Variants in TLE7 observed in about 807,000 individuals in gnomAD.
TLE7 encodes the protein transducin-like enhancer protein 7.
chr16:71,439,813 C>A (rs1327798272), intron 1 of TLE7, among the ~76,000 whole-genome samples: 1 of 152,198 alleles, frequency 6.6e-6, no homozygotes, highest in Non-Finnish European at 1.5e-5. Flanking sequence ...AACAGTTTGG[C>A]AACTCCTCAG....
chr16:71,437,386 G>GGA (rs148458762), intron 1 of TLE7, among the ~76,000 whole-genome samples: 117 of 148,770 alleles, frequency 7.9e-4, no homozygotes, highest in Non-Finnish European at 1.3e-3. Context: ...AAGGGAGGGA[G>GGA]GAGAGAGAGA....
intron 1 of TLE7, among the ~76,000 whole-genome samples, chr16:71,436,674 G>C (rs977714833): frequency 1.3e-5 from 2 of 152,244 alleles, no homozygotes; most frequent in Non-Finnish European, 2.9e-5. Context: ...TCCTTTGCTT[G>C]AGAAGGCTGA....
chr16:71,435,697 A>G (rs1301525720), intron 1 of TLE7, among the ~76,000 whole-genome samples: 1 of 152,252 alleles, frequency 6.6e-6, no homozygotes, highest in Non-Finnish European at 1.5e-5. Flanking sequence ...ATTTCTGGAC[A>G]TTCAAACCTA....
intron 1 of TLE7, among the ~76,000 whole-genome samples, chr16:71,437,428 CAA>C (rs1239083780): frequency 2.1e-5 from 3 of 140,750 alleles, no homozygotes; most frequent in African/African-American, 8.0e-5. Flanking sequence ...AAGGAAGAAA[CAA>C]AGAGGAAGGA....
chr16:71,433,975 C>G (rs892653376), intron 1 of TLE7, among the ~76,000 whole-genome samples: 1 of 152,150 alleles, frequency 6.6e-6, no homozygotes, highest in South Asian at 2.1e-4. Flanking sequence ...TCAAACTCAC[C>G]TTTTCATCTG....
intron 1 of TLE7, among the ~76,000 whole-genome samples, chr16:71,438,062 C>G (rs888691391): frequency 6.6e-6 from 1 of 152,132 alleles, no homozygotes; most frequent in Non-Finnish European, 1.5e-5. Flanking sequence ...AGAAACTACT[C>G]TGTTGTAGAG....
intron 1 of TLE7, among the ~76,000 whole-genome samples, chr16:71,437,231 T>A (rs1204521388): frequency 2.6e-5 from 4 of 151,618 alleles, no homozygotes; most frequent in Admixed American, 2.0e-4. Flanking sequence ...TGCCTGTAAT[T>A]CCAGCTACTT....
intron 8 of TLE7, 45 bp from the exon 9 acceptor site, chr16:71,430,786 A>G (rs1230449018): frequency 1.3e-5 from 5 of 398,244 alleles, no homozygotes; most frequent in Admixed American, 4.4e-5. Context: ...CCAATCCTGC[A>G]TTCTAGTTCC....
chr16:71,430,156 A>G lies in TLE7; in HGVS notation c.*106T>C, dbSNP rs2042795810. 1 of 397,228 alleles carries G rather than the reference A, an allele frequency of 2.5e-6. No individual in the cohort carries two copies. The highest frequency in any genetic ancestry group is 2.1e-5 in the African/African-American group (1 of 48,742). The allele number at this position is 397,228 out of a possible 1,614,324, so 24.6% of individuals were successfully genotyped here. ...GGGGAGGGATGACCCAAGCTAAGGC[A>G]GAGGAGATGGCAGGTGTTAGAGGTG... is the stretch of plus-strand genomic sequence containing the variant. On this transcript the variant is annotated 3_prime_UTR_variant, in exon 10 of 10. Coordinates refer to ENST00000561754, the MANE Select transcript of TLE7 (RefSeq NM_001367365.2).
At chr16:71,441,618 C>G (rs1397426415) in intron 1 of TLE7, among the ~76,000 whole-genome samples, 5 of 152,212 alleles carry the variant, frequency 3.3e-5, no homozygotes, top group Admixed American at 2.6e-4. Context: ...GTGCAGCGAG[C>G]GCGCCGGCCG....
intron 1 of TLE7, among the ~76,000 whole-genome samples, chr16:71,436,293 C>T (rs7194489): frequency 0.015 from 2,325 of 152,296 alleles, 47 homozygotes; most frequent in African/African-American, 0.05. Context: ...CCCTATCCTG[C>T]GGTGCTGCTG....
At chr16:71,441,430 G>A (rs1171816531) in intron 1 of TLE7, among the ~76,000 whole-genome samples, 1 of 152,246 alleles carries the variant, frequency 6.6e-6, no homozygotes, top group East Asian at 1.9e-4. Flanking sequence ...TGGCCTGCAG[G>A]GCGCGGCGTG....
chr16:71,441,814 G>T (rs1343880116), intron 1 of TLE7, among the ~76,000 whole-genome samples, 155 bp downstream of exon 1: 1 of 152,202 alleles, frequency 6.6e-6, no homozygotes, highest in African/African-American at 2.4e-5. Flanking sequence ...GCCCTCGGGC[G>T]CTCACGCGCA....
intron 1 of TLE7, among the ~76,000 whole-genome samples, chr16:71,434,294 C>T (rs973501838): frequency 6.6e-6 from 1 of 152,118 alleles, no homozygotes; most frequent in Non-Finnish European, 1.5e-5. Context: ...TTATTTGAGG[C>T]CTGTGTCAGG....
chr16:71,436,036 TCTC>T (rs774546963), intron 1 of TLE7, among the ~76,000 whole-genome samples: 6 of 152,114 alleles, frequency 3.9e-5, no homozygotes, highest in Non-Finnish European at 8.8e-5. Context: ...CCGATTCCCT[TCTC>T]TTCTCTCTCC....
rs1002012788 is a variant in TLE7, at chr16:71,433,118, C to T, written c.207G>A (p.Thr69=). Residue 69 remains threonine (T), a synonymous_variant, in exon 2 of 10, where the codon ACG becomes ACA. Transcript: ENST00000561754. ...GGAGGTGCCACTGCTGCTGGGTCACCGTGCTTGTCTCTTGATCAGCAGGGC... is the reference window on the plus strand; with the variant it reads ...GGAGGTGCCACTGCTGCTGGGTCACTGTGCTTGTCTCTTGATCAGCAGGGC... ...QHSPADQETS[T]VTQQQWHLQG... 12 of 398,640 alleles carry T rather than the reference C, an allele frequency of 3.0e-5. No homozygotes were observed. Among genetic ancestry groups the T allele is most frequent in the Admixed American group, 8.8e-5 (2 of 22,718 alleles). 24.7% of individuals were successfully genotyped at this position (398,640 alleles called of 1,614,324 possible).
At chr16:71,432,079 T>A (rs2145042572) in intron 5 of TLE7, 31 bp downstream of exon 5, 2 of 400,918 alleles carry the variant, frequency 5.0e-6, no homozygotes, top group Middle Eastern at 3.1e-4. Flanking sequence ...CCTGTCAGAG[T>A]TCCCTGAGTC....
chr16:71,440,312 C>T (rs921012961), intron 1 of TLE7, among the ~76,000 whole-genome samples: 1 of 152,088 alleles, frequency 6.6e-6, no homozygotes. Flanking sequence ...CCTAATGCCA[C>T]GGAATTGTAC....
chr16:71,430,645 G>A (rs1657799785), intron 9 of TLE7, 23 bp downstream of exon 9: 6 of 398,358 alleles, frequency 1.5e-5, no homozygotes, highest in East Asian at 7.1e-5. Context: ...GCCTGGGTTC[G>A]GGCATCCCTC....
Sources: allele counts gnomAD v4.1 joint callset (sites outside exome capture counted in the v4.1 genomes callset), GRCh38; gene constraint gnomAD v4.1.1; transcripts MANE v1.5; gene names NCBI Gene and HGNC (gene_info 2026-07-23, HGNC 2026-07-21).